ARL13B: variants seen among roughly 807,000 people sequenced by gnomAD.
ARL13B encodes ARF like GTPase 13B, also known as ADP-ribosylation factor-like protein 13B.
Under a neutral mutation model 56.1 loss-of-function variants are expected in ARL13B, and 36 were observed. The observed-to-expected ratio is 0.64, with a 90% CI of 0.49 to 0.85. ARL13B has a LOEUF of 0.85. ARL13B is among the 40% of genes least tolerant of loss of function. The probability of loss-of-function intolerance (pLI) is 0.00; values close to 1 mark genes in which losing one functional copy is unlikely to be tolerated. For synonymous variants in ARL13B, 178 were observed against 171.1 expected (o/e 1.04, Z -0.32); for missense variants, 519 against 507.1 (o/e 1.02, Z -0.23).
intron 3 of ARL13B, among the ~76,000 whole-genome samples, chr3:94,027,636 A>G (rs1290447599): frequency 6.6e-6 from 1 of 152,108 alleles, no homozygotes; most frequent in Non-Finnish European, 1.5e-5. Context: ...TTGAAATGGA[A>G]TATTTATTAA....
intron 3 of ARL13B, chr3:94,014,879 T>A: frequency 6.2e-7 from 1 of 1,613,992 alleles, no homozygotes; most frequent in Non-Finnish European, 8.5e-7. Flanking sequence ...TTAAGTATCC[T>A]TGTGACCACT....
chr3:93,991,466 A>T (rs74469405), intron 1 of ARL13B, among the ~76,000 whole-genome samples: 11 of 152,244 alleles, frequency 7.2e-5, no homozygotes, highest in African/African-American at 2.4e-4. Flanking sequence ...TGCAGCTTCA[A>T]TGGGCTCAAG....
chr3:94,006,836 C>A (rs555710641), intron 3 of ARL13B, among the ~76,000 whole-genome samples: 1 of 152,034 alleles, frequency 6.6e-6, no homozygotes, highest in African/African-American at 2.4e-5. Flanking sequence ...AGAAATAATG[C>A]CTGGCATATA....
chr3:94,052,745 T>G (rs908998015), intron 9 of ARL13B, among the ~76,000 whole-genome samples: 1 of 152,150 alleles, frequency 6.6e-6, no homozygotes, highest in South Asian at 2.1e-4. Context: ...TGCTATTATA[T>G]TTGGTGCTTA....
chr3:94,041,981 G>A (rs945221929), intron 6 of ARL13B, among the ~76,000 whole-genome samples: 2 of 152,102 alleles, frequency 1.3e-5, no homozygotes, highest in African/African-American at 4.8e-5. Flanking sequence ...GCTTAAACCT[G>A]GAGGGGTGGA....
In ARL13B at chr3:94,055,042, C is replaced by G. The variant is rs532053400; in HGVS notation, c.*1779C>G. 2.2e-5 allele frequency: 8 copies of G among 356,748 alleles called. No homozygotes were observed. Among genetic ancestry groups the G allele is most frequent in the Non-Finnish European group, 3.8e-5 (7 of 185,454 alleles). The allele number at this position is 356,748 out of a possible 1,614,324, so 22.1% of individuals were successfully genotyped here. ...CTATCTGTTTACTATAGTGTAGCTA[C>G]TGGCTTCATTTAATAAAAATAAATG... is the stretch of plus-strand genomic sequence containing the variant. On this transcript the variant is annotated 3_prime_UTR_variant, in exon 10 of 10. Transcript: ENST00000394222.
chr3:93,987,755 C>A (rs376616685), intron 1 of ARL13B, among the ~76,000 whole-genome samples: 3 of 152,002 alleles, frequency 2.0e-5, no homozygotes, highest in Non-Finnish European at 2.9e-5. Context: ...CTCAACCGAT[C>A]CTCCCACTTC....
chr3:94,002,162 G>A (rs1485901064), intron 2 of ARL13B, among the ~76,000 whole-genome samples: 3 of 152,100 alleles, frequency 2.0e-5, no homozygotes, highest in Admixed American at 6.6e-5. Context: ...TCTAAACACC[G>A]GTGTTGTTCA....
intron 4 of ARL13B, among the ~76,000 whole-genome samples, chr3:94,036,320 C>T (rs1041252313): frequency 1.3e-5 from 2 of 152,030 alleles, no homozygotes; most frequent in Non-Finnish European, 2.9e-5. Flanking sequence ...CTGTCACCCT[C>T]TTCTTTATAA....
intron 3 of ARL13B, among the ~76,000 whole-genome samples, chr3:94,034,419 G>A (rs2076731937): frequency 6.6e-6 from 1 of 151,866 alleles, no homozygotes; most frequent in African/African-American, 2.4e-5. Context: ...TAATTAAATA[G>A]TGGTAAATTG....
In ARL13B at chr3:94,043,502, A is replaced by G. The variant is rs114477084; in HGVS notation, c.1024+262A>G. On this transcript the variant is annotated intron_variant, in intron 7 of 9. Coordinates refer to ENST00000394222, the MANE Select transcript of ARL13B (RefSeq NM_001174150.2). The stretch of plus-strand genomic sequence containing the variant: ...CCATTTTTATTTTCATAAATTTGGG[A>G]TACAGCATAGCTCTCAAGAATCCTT... Among the ~76,000 whole-genome samples the G allele has an allele frequency of 9.0e-3, 1,216 of 135,272 alleles. 29 individuals carry two copies. The highest frequency in any genetic ancestry group is 0.031 in the African/African-American group (1,111 of 35,712). The allele number at this position is 135,272 out of a possible 152,430, so 88.7% of individuals were successfully genotyped here.
chr3:94,030,181 T>C (rs2076649823), intron 3 of ARL13B, among the ~76,000 whole-genome samples: 1 of 152,082 alleles, frequency 6.6e-6, no homozygotes, highest in South Asian at 2.1e-4. Context: ...TCCTTTCTGA[T>C]TGTACCTTGT....
chr3:94,029,332 A>ATATATATT (rs2076624442), intron 3 of ARL13B, among the ~76,000 whole-genome samples: 1 of 72,382 alleles, frequency 1.4e-5, no homozygotes. Flanking sequence ...ATATATATAT[A>ATATATATT]TATTTATTTT....
Position 94,053,418 on chromosome 3 carries a change from A to T in ARL13B, c.*155A>T, listed in dbSNP as rs760435059. On this transcript the variant is annotated 3_prime_UTR_variant, in exon 10 of 10. Transcript: ENST00000394222. Reference sequence around the variant, plus strand: ...TAATACTCAAGGACCTGACTTGATAATTACTTATTTGTGTTTTTCATGGTT... The same window carrying T: ...TAATACTCAAGGACCTGACTTGATATTTACTTATTTGTGTTTTTCATGGTT... 1 of 745,366 alleles carries T rather than the reference A, an allele frequency of 1.3e-6. No individual in the cohort carries two copies. 46.2% of individuals were successfully genotyped at this position (745,366 alleles called of 1,614,324 possible).
chr3:94,004,728 G>T (rs1483111833), intron 3 of ARL13B, among the ~76,000 whole-genome samples: 1 of 151,666 alleles, frequency 6.6e-6, no homozygotes, highest in African/African-American at 2.4e-5. Context: ...AAATGAGGTG[G>T]TTTGGAAGCT....
At chr3:94,012,989 A>G (rs1357507567) in intron 3 of ARL13B, among the ~76,000 whole-genome samples, 1 of 152,146 alleles carries the variant, frequency 6.6e-6, no homozygotes, top group African/African-American at 2.4e-5. Context: ...ACTTCTTTCC[A>G]TGGCTTACAA....
intron 3 of ARL13B, among the ~76,000 whole-genome samples, chr3:94,028,844 A>T (rs1416715270): frequency 2.0e-5 from 3 of 152,276 alleles, no homozygotes; most frequent in African/African-American, 7.2e-5. Flanking sequence ...ACTTACTAAA[A>T]ATATGGAATT....
At chr3:93,991,379 C>T (rs564924751) in intron 1 of ARL13B, among the ~76,000 whole-genome samples, 15 of 152,196 alleles carry the variant, frequency 9.9e-5, no homozygotes, top group African/African-American at 2.9e-4. Flanking sequence ...CATGCATGTA[C>T]GAATGAATTA....
At chr3:93,989,168 C>T (rs1710619381) in intron 1 of ARL13B, among the ~76,000 whole-genome samples, 1 of 152,174 alleles carries the variant, frequency 6.6e-6, no homozygotes, top group Non-Finnish European at 1.5e-5. Context: ...GATATAATTA[C>T]ATTCTTTAAT....
Sources: allele counts gnomAD v4.1 joint callset (sites outside exome capture counted in the v4.1 genomes callset), GRCh38; gene constraint gnomAD v4.1.1; transcripts MANE v1.5; gene names NCBI Gene and HGNC (gene_info 2026-07-23, HGNC 2026-07-21).